The following CDH6 variants were observed in gnomAD, a reference collection of about 807,000 sequenced individuals.
CDH6 encodes the protein cadherin 6.
A neutral mutation model predicts 78.0 loss-of-function variants in CDH6; 31 were observed. The observed-to-expected ratio is 0.40, with a 90% CI of 0.30 to 0.54. The LOEUF (loss-of-function observed/expected upper bound fraction) is 0.54, where lower values mean the gene tolerates loss of function less well. Among genes scored for constraint, CDH6 ranks in the 20% least tolerant of loss-of-function variants. The pLI is 0.56. For missense variants in CDH6, 724 were observed against 975.9 expected (o/e 0.74, Z 3.44); for synonymous variants, 376 against 368.8 (o/e 1.02, Z -0.23).
chr5:31,222,450 C>T (rs886096478), intron 1 of CDH6, among the ~76,000 whole-genome samples: 2 of 152,060 alleles, frequency 1.3e-5, no homozygotes, highest in Non-Finnish European at 2.9e-5. Context: ...TTGTCTGGAA[C>T]AATGCTACAG....
intron 2 of CDH6, among the ~76,000 whole-genome samples, chr5:31,293,590 A>G (rs990098591): frequency 2.6e-4 from 40 of 152,182 alleles, no homozygotes; most frequent in Non-Finnish European, 5.9e-5. Context: ...GCGAGAGTGT[A>G]TTAGTGGAAT....
intron 2 of CDH6, among the ~76,000 whole-genome samples, chr5:31,283,998 A>G (rs1335286417): frequency 6.6e-6 from 1 of 152,012 alleles, no homozygotes; most frequent in Admixed American, 6.6e-5. Flanking sequence ...TGTTTTGGGT[A>G]GAGACAGGGT....
intron 1 of CDH6, among the ~76,000 whole-genome samples, chr5:31,217,175 A>G (rs866330301): frequency 3.9e-5 from 6 of 152,138 alleles, no homozygotes; most frequent in Non-Finnish European, 7.3e-5. Context: ...CTCTTTTGTT[A>G]GTAGGCAAAA....
Position 31,274,456 on chromosome 5 carries a change from C to T in CDH6, c.228+6755C>T, listed in dbSNP as rs371559077. ...GCCTCACAAGGAACCGATCCCAGAT[C>T]CTCCGGCTTCCATTTCATCATGCCT... On this transcript the variant is annotated intron_variant, in intron 2 of 11. Coordinates refer to ENST00000265071, the MANE Select transcript of CDH6 (RefSeq NM_004932.4). Among the ~76,000 whole-genome samples, 10 of 152,326 alleles carry T rather than the reference C, an allele frequency of 6.6e-5. 2 individuals carry two copies. The highest frequency in any genetic ancestry group is 2.4e-4 in the African/African-American group (10 of 41,574).
chr5:31,269,601 TA>T (rs11336405), intron 2 of CDH6, among the ~76,000 whole-genome samples: 69,107 of 151,534 alleles, frequency 0.46, 15,996 homozygotes, highest in Middle Eastern at 0.58. Flanking sequence ...CTATTATTGG[TA>T]AAAAATCCGT....
chr5:31,277,759 A>T (rs921877637), intron 2 of CDH6, among the ~76,000 whole-genome samples: 3 of 152,176 alleles, frequency 2.0e-5, no homozygotes, highest in Non-Finnish European at 4.4e-5. Context: ...TGCCTAGCAC[A>T]TATTTTTGCA....
rs1738561676 is a variant in CDH6, at chr5:31,324,298, T to C, written c.*990T>C. 4.7e-6 allele frequency: 1 copy of C among 212,594 alleles called. No individual in the cohort carries two copies. Among genetic ancestry groups the C allele is most frequent in the Non-Finnish European group, 9.5e-6 (1 of 105,098 alleles). 13.2% of individuals were successfully genotyped at this position (212,594 alleles called of 1,614,324 possible). A position where few individuals can be genotyped will look rare whatever the true frequency, so the allele number is the denominator to read the frequency against. ...TAATTCATATTCTTCATATCCTTCTTACACGACTAAGTTGAATTAGTAAAG... is the reference window on the plus strand; with the variant it reads ...TAATTCATATTCTTCATATCCTTCTCACACGACTAAGTTGAATTAGTAAAG... On this transcript the variant is annotated 3_prime_UTR_variant, in exon 12 of 12. Coordinates refer to ENST00000265071, the MANE Select transcript of CDH6 (RefSeq NM_004932.4).
Position 31,230,256 on chromosome 5 carries a change from G to T in CDH6, c.-129+36370G>T, listed in dbSNP as rs1205647437. 2.6e-5 allele frequency among the ~76,000 whole-genome samples: 4 copies of T among 152,276 alleles called. No homozygotes were observed. The East Asian group carries it at 7.7e-4, about 29-fold the overall frequency. ...ATTAAAAGATCAACTTAACTTGCAT[G>T]GGAGAAAAGTCATCTCTGTCCTGTA... On this transcript the variant is annotated intron_variant, in intron 1 of 11. Transcript: ENST00000265071.
chr5:31,195,265 G>A (rs1327392905), intron 1 of CDH6, among the ~76,000 whole-genome samples: 2 of 152,130 alleles, frequency 1.3e-5, no homozygotes, highest in Non-Finnish European at 2.9e-5. Flanking sequence ...GAGGGGTGCA[G>A]ATCAAAATGT....
chr5:31,317,585 G>A, intron 10 of CDH6, 88 bp from the exon 11 acceptor site: 6 of 1,531,454 alleles, frequency 3.9e-6, no homozygotes, highest in Non-Finnish European at 5.4e-6. Flanking sequence ...GTACATATCT[G>A]TATCTATATC....
chr5:31,239,006 G>A (rs931311811), intron 1 of CDH6, among the ~76,000 whole-genome samples: 2 of 152,204 alleles, frequency 1.3e-5, no homozygotes, highest in Non-Finnish European at 2.9e-5. Context: ...GAACAACCAT[G>A]CCAGTTCATC....
intron 7 of CDH6, among the ~76,000 whole-genome samples, chr5:31,310,441 T>C (rs1203651767): frequency 6.6e-6 from 1 of 152,208 alleles, no homozygotes; most frequent in Non-Finnish European, 1.5e-5. Flanking sequence ...CCCAGGCTCA[T>C]GGTGCAAGCT....
intron 1 of CDH6, among the ~76,000 whole-genome samples, chr5:31,257,170 T>C (rs551807037): frequency 7.2e-5 from 11 of 152,198 alleles, no homozygotes; most frequent in African/African-American, 2.7e-4. Flanking sequence ...TGTTTGTTTG[T>C]TTGTTTGTTT....
At chr5:31,302,451 G>T in intron 6 of CDH6, 153 bp downstream of exon 6, 1 of 587,234 alleles carries the variant, frequency 1.7e-6, no homozygotes. Flanking sequence ...GGCCGGGCAT[G>T]GTGGCTCCCG....
chr5:31,269,311 A>G (rs1435974781), intron 2 of CDH6, among the ~76,000 whole-genome samples: 5 of 150,880 alleles, frequency 3.3e-5, no homozygotes, highest in African/African-American at 1.2e-4. Context: ...TCAGGATACT[A>G]GAAACAGCAG....
intron 7 of CDH6, among the ~76,000 whole-genome samples, chr5:31,313,071 G>C (rs1272400734): frequency 1.3e-5 from 2 of 151,988 alleles, no homozygotes; most frequent in Non-Finnish European, 2.9e-5. Flanking sequence ...ATTTAATGGT[G>C]ATCTTCAAAG....
chr5:31,294,365 T>A lies in CDH6; in HGVS notation c.523+109T>A. 1 of 823,650 alleles carries A rather than the reference T, an allele frequency of 1.2e-6. No homozygotes were observed. The highest frequency in any genetic ancestry group is 2.0e-6 in the Non-Finnish European group (1 of 501,828). The allele number at this position is 823,650 out of a possible 1,614,324, so 51.0% of individuals were successfully genotyped here. A position where few individuals can be genotyped will look rare whatever the true frequency, so the allele number is the denominator to read the frequency against. ...GAACTGCATGAATTTAGATGCTAAC[T>A]TCTTCAATCCATGTATGTCCTTTCT... is the stretch of plus-strand genomic sequence containing the variant. On this transcript the variant is annotated intron_variant, in intron 3 of 11. Coordinates refer to ENST00000265071, the MANE Select transcript of CDH6 (RefSeq NM_004932.4). The surrounding 1 kb of genome is among the most constrained non-coding windows in gnomAD (Gnocchi z 4.1).
At position 31,317,818 on chromosome 5, in the gene CDH6, C is replaced by T. The variant is rs1230393619; in HGVS notation, c.1776C>T (p.Asp592=). ...GTVTVRVCAC[D]HHGNMQSCHA... ...TGACTGTCCGGGTCTGTGCATGTGA[C>T]CACCACGGGAACATGCAATCCTGCC... Residue 592 remains aspartate, a synonymous_variant, in exon 11 of 12, where the codon GAC becomes GAT. Transcript: ENST00000265071. The T allele has an allele frequency of 1.2e-6, 2 of 1,614,138 alleles. No individual in the cohort carries two copies. The highest frequency in any genetic ancestry group is 2.2e-5 in the South Asian group (2 of 91,076).
chr5:31,256,798 G>C (rs999922915), intron 1 of CDH6, among the ~76,000 whole-genome samples: 1 of 152,274 alleles, frequency 6.6e-6, no homozygotes, highest in South Asian at 2.1e-4. Context: ...TTGATACTGG[G>C]ATAAAAATTG....
Sources: allele counts gnomAD v4.1 joint callset (sites outside exome capture counted in the v4.1 genomes callset), GRCh38; gene constraint gnomAD v4.1.1; non-coding constraint Gnocchi (gnomAD v3.1); transcripts MANE v1.5; gene names NCBI Gene and HGNC (gene_info 2026-07-23, HGNC 2026-07-21).